The following NR1I3 variants were observed in gnomAD, a reference collection of about 807,000 sequenced individuals.
NR1I3 encodes nuclear receptor subfamily 1 group I member 3.
Under a neutral mutation model 38.4 loss-of-function variants are expected in NR1I3, and 30 were observed. The observed-to-expected ratio is 0.78, with a 90% CI of 0.58 to 1.06. NR1I3 has a LOEUF of 1.06. Ranked by LOEUF, NR1I3 falls within the 50% of genes least tolerant of loss-of-function variation. NR1I3 has a pLI of 0.00. For synonymous variants in NR1I3, 143 were observed against 165.1 expected (o/e 0.87, Z 1.03); for missense variants, 388 against 435.7 (o/e 0.89, Z 0.97).
chr1:161,231,691 G>A (rs892753243), intron 5 of NR1I3, among the ~76,000 whole-genome samples: 12 of 152,020 alleles, frequency 7.9e-5, no homozygotes, highest in East Asian at 3.9e-4. Flanking sequence ...TAGTAGAGAC[G>A]GGTTTTCACC....
intron 3 of NR1I3, among the ~76,000 whole-genome samples, chr1:161,233,989 GTTTGT>G (rs776721648): frequency 1.5e-4 from 21 of 144,152 alleles, no homozygotes; most frequent in African/African-American, 2.1e-4. Context: ...ATATTTTTTT[GTTTGT>G]TTTGTTTTGT....
At chr1:161,230,123 C>T (rs757286474) in intron 8 of NR1I3, 197 bp from the exon 9 acceptor site, 48 of 599,260 alleles carry the variant, frequency 8.0e-5, no homozygotes, top group Non-Finnish European at 1.4e-4. Context: ...ACACTGTCTT[C>T]TCTCACCATG....
Position 161,236,578 on chromosome 1 carries a change from T to C in NR1I3, c.-13A>G, listed in dbSNP as rs764847585. On this transcript the variant is annotated 5_prime_UTR_variant, in exon 2 of 9. Coordinates refer to ENST00000367983, the MANE Select transcript of NR1I3 (RefSeq NM_005122.5). ...CCCTACTGGCCATGACGTCACGTGTTGGGGTGGCTGTCACAGACTCCTGAA... is the reference window on the plus strand; with the variant it reads ...CCCTACTGGCCATGACGTCACGTGTCGGGGTGGCTGTCACAGACTCCTGAA... The C allele has an allele frequency of 6.2e-7, 1 of 1,613,988 alleles. No individual in the cohort carries two copies. Among genetic ancestry groups the C allele is most frequent in the Non-Finnish European group, 8.5e-7 (1 of 1,179,962 alleles).
rs1440829835 is a variant in NR1I3 at position 161,231,123 on chromosome 1, A to G, written c.805T>C (p.Ser269Pro). 9 of 1,614,080 alleles carry G rather than the reference A, an allele frequency of 5.6e-6. No individual in the cohort carries two copies. The highest frequency in any genetic ancestry group is 5.1e-6 in the Non-Finnish European group (6 of 1,180,016). Residue 269 changes from serine to proline, a missense_variant, in exon 7 of 9, where the codon TCT becomes CCT. By Grantham distance (74) the Ser-to-Pro change is moderately conservative. Transcript: ENST00000367983. ...GGCTTTGGGAGGTGCTCACCAGGAG[A>G]GAAGAGGGCCATGGCAGCCAAGAGC... The part of the protein sequence containing the change: ...YVLLAAMALF[S>P]PDRPGVTQRD...
intron 3 of NR1I3, among the ~76,000 whole-genome samples, chr1:161,233,617 A>G (rs1667839324): frequency 6.6e-6 from 1 of 152,144 alleles, no homozygotes; most frequent in Non-Finnish European, 1.5e-5. Flanking sequence ...ATGTGAGGAA[A>G]GGTGCGAGGG....
At position 161,236,933 on chromosome 1, in the gene NR1I3, G is replaced by A. The variant is rs536225426; in HGVS notation, c.-33-335C>T. ...TTTATTTATTTTTTTTGTAGAGATG[G>A]GGTTTTGCCATGTTGCCCAGGTTGG... On this transcript the variant is annotated intron_variant, in intron 1 of 8. Coordinates refer to ENST00000367983, the MANE Select transcript of NR1I3 (RefSeq NM_005122.5). Among the ~76,000 whole-genome samples, 25 of 150,068 alleles carry A rather than the reference G, an allele frequency of 1.7e-4. No individual in the cohort carries two copies. In the South Asian group the frequency reaches 5.1e-3, roughly 30 times the overall value.
At chr1:161,234,739 A>G (rs578038891) in intron 3 of NR1I3, among the ~76,000 whole-genome samples, 1 of 152,286 alleles carries the variant, frequency 6.6e-6, no homozygotes, top group Non-Finnish European at 1.5e-5. Flanking sequence ...ACTTGGGCAA[A>G]TTAACTTCCG....
chr1:161,230,536 G>T, intron 8 of NR1I3: 1 of 554,932 alleles, frequency 1.8e-6, no homozygotes, highest in East Asian at 3.0e-5. Context: ...ATCAATCTCA[G>T]GAATGCTATT....
intron 3 of NR1I3, among the ~76,000 whole-genome samples, chr1:161,235,054 T>A (rs1668277109): frequency 6.6e-6 from 1 of 151,452 alleles, no homozygotes; most frequent in Non-Finnish European, 1.5e-5. Context: ...GGCAGGAGAA[T>A]CACTTGAACG....
At chr1:161,233,568 G>A (rs1190673112) in intron 3 of NR1I3, among the ~76,000 whole-genome samples, 1 of 152,164 alleles carries the variant, frequency 6.6e-6, no homozygotes. Flanking sequence ...AAACTGCACT[G>A]TGGGGGAGAA....
chr1:161,233,495 A>T, intron 3 of NR1I3, among the ~76,000 whole-genome samples, 157 bp from the exon 4 acceptor site: 1 of 152,156 alleles, frequency 6.6e-6, no homozygotes, highest in East Asian at 1.9e-4. Flanking sequence ...CTAAAGTCCT[A>T]GAGGCTCCAG....
chr1:161,230,385 C>T (rs1035770157), intron 8 of NR1I3: 22 of 344,990 alleles, frequency 6.4e-5, no homozygotes, highest in Non-Finnish European at 1.1e-4. Flanking sequence ...CTGGCTTTGA[C>T]CATGAAACTG....
At chr1:161,233,033 C>A in intron 4 of NR1I3, 87 bp from the exon 5 acceptor site, 2 of 1,586,992 alleles carry the variant, frequency 1.3e-6, no homozygotes, top group South Asian at 1.1e-5. Flanking sequence ...GAGTTCCTTG[C>A]TGAGAAGCCT....
intron 8 of NR1I3, chr1:161,230,332 A>G (rs911583942): frequency 3.9e-5 from 12 of 304,338 alleles, no homozygotes; most frequent in Non-Finnish European, 6.7e-5. Flanking sequence ...GAAGCGGTGC[A>G]TACCTCAGAG....
In NR1I3 at chr1:161,233,297, G is replaced by T. The variant is rs750159568; in HGVS notation, c.280C>A (p.Gln94Lys). The change falls in exon 4 of 9, where the codon CAG becomes AAG. Residue 94 changes from glutamine to lysine, a missense_variant. By Grantham distance (53) the Gln-to-Lys change is moderately conservative. Transcript: ENST00000367983. ...GTTTGCTGTGCCCGCCGCTGGGCCT[G>T]CTTTGCTCGCCGCAATGCCAGGGCT... is the stretch of plus-strand genomic sequence containing the variant. ...AEALALRRAK[Q>K]AQRRAQQTPV... The T allele has an allele frequency of 6.2e-6, 10 of 1,614,136 alleles. No individual in the cohort carries two copies. In the South Asian group the frequency reaches 1.1e-4, roughly 18 times the overall value.
At chr1:161,230,020 TC>T in intron 8 of NR1I3, 94 bp from the exon 9 acceptor site, 1 of 1,448,346 alleles carries the variant, frequency 6.9e-7, no homozygotes. Context: ...GAACTATTCC[TC>T]AGTGAAGCCA....
At position 161,238,098 on chromosome 1, in the gene NR1I3, C is replaced by T; in HGVS notation, c.-91G>A. ...CCACAGAATCTGGTATGGAATGCCT[C>T]TCCCCAAACTCCCACGCTGTTGCTG... On this transcript the variant is annotated 5_prime_UTR_variant, in exon 1 of 9. Coordinates refer to ENST00000367983, the MANE Select transcript of NR1I3 (RefSeq NM_005122.5). 6.2e-7 allele frequency: 1 copy of T among 1,612,964 alleles called. No individual in the cohort carries two copies. Among genetic ancestry groups the T allele is most frequent in the Non-Finnish European group, 8.5e-7 (1 of 1,178,980 alleles).
intron 5 of NR1I3, among the ~76,000 whole-genome samples, chr1:161,232,529 C>T (rs927039075): frequency 7.9e-5 from 12 of 152,100 alleles, no homozygotes; most frequent in Non-Finnish European, 1.5e-4. Context: ...AACTTCTGGA[C>T]TCAAGCGATC....
At position 161,238,100 on chromosome 1, in the gene NR1I3, C is replaced by A; in HGVS notation, c.-93G>T. ...ACAGAATCTGGTATGGAATGCCTCTCCCCAAACTCCCACGCTGTTGCTGGT... is the reference window on the plus strand; with the variant it reads ...ACAGAATCTGGTATGGAATGCCTCTACCCAAACTCCCACGCTGTTGCTGGT... On this transcript the variant is annotated 5_prime_UTR_variant, in exon 1 of 9. Transcript: ENST00000367983. 1 of 1,612,900 alleles carries A rather than the reference C, an allele frequency of 6.2e-7. No individual in the cohort carries two copies. Among genetic ancestry groups the A allele is most frequent in the Non-Finnish European group, 8.5e-7 (1 of 1,178,944 alleles).
Sources: gnomAD v4.1 joint callset for allele counts (sites outside exome capture counted in the v4.1 genomes callset) on GRCh38, gnomAD v4.1.1 for gene constraint, MANE v1.5 for transcripts, NCBI Gene and HGNC (gene_info 2026-07-23, HGNC 2026-07-21) for gene names.